The following ATP11A variants were observed in gnomAD, a reference collection of about 807,000 sequenced individuals.
ATP11A encodes ATPase phospholipid transporting 11A, also known as phospholipid-transporting ATPase IH.
A neutral mutation model predicts 154.4 loss-of-function variants in ATP11A; 81 were observed. The ratio of observed to expected loss-of-function variants is 0.52; its 90% CI spans 0.44 to 0.63. ATP11A has a LOEUF of 0.63. Ranked by LOEUF, ATP11A falls within the 30% of genes least tolerant of loss-of-function variation. The pLI, the probability that ATP11A is intolerant of heterozygous loss-of-function variation, is 0.00. For missense variants in ATP11A, 1,316 were observed against 1,474.3 expected (o/e 0.89, Z 1.76); for synonymous variants, 623 against 585.9 (o/e 1.06, Z -0.91).
At chr13:112,762,589 G>A (rs886727769) in intron 1 of ATP11A, among the ~76,000 whole-genome samples, 21 of 152,196 alleles carry the variant, frequency 1.4e-4, no homozygotes, top group Admixed American at 7.2e-4. Flanking sequence ...AGCTACAGAC[G>A]GGTGTGTTGG....
chr13:112,788,094 GTGTAGA>G lies in ATP11A; in HGVS notation c.162+2838_162+2843del. Among the ~76,000 whole-genome samples the G allele has an allele frequency of 1.0e-4, 15 of 150,340 alleles. 1 individual carries two copies. Among genetic ancestry groups the G allele is most frequent in the Middle Eastern group, 3.8e-3 (1 of 260 alleles). ...CTTAATTCACACCGGGTGTCCTGAT[GTGTAGA>G]CCCCTGTGTAGACCTACTTAATCCA... On this transcript the variant is annotated intron_variant, in intron 2 of 29. Coordinates refer to ENST00000375645, the MANE Select transcript of ATP11A (RefSeq NM_015205.3).
intron 1 of ATP11A, among the ~76,000 whole-genome samples, chr13:112,765,637 G>C (rs2139904364): frequency 6.6e-6 from 1 of 152,320 alleles, no homozygotes; most frequent in Non-Finnish European, 1.5e-5. Flanking sequence ...ATGAGTCACG[G>C]GTTTGAGAGA....
At chr13:112,720,764 G>T (rs1037404632) in intron 1 of ATP11A, among the ~76,000 whole-genome samples, 2 of 152,062 alleles carry the variant, frequency 1.3e-5, no homozygotes, top group African/African-American at 4.8e-5. Flanking sequence ...CACCGTGTTG[G>T]CCAGGCTGGT....
At chr13:112,823,289 C>G (rs368991136) in intron 8 of ATP11A, 56 bp from the exon 9 acceptor site, 6 of 1,419,202 alleles carry the variant, frequency 4.2e-6, no homozygotes, top group African/African-American at 2.8e-5. Context: ...TCTTGCCCCC[C>G]GCCCTGCCCA....
intron 16 of ATP11A, among the ~76,000 whole-genome samples, chr13:112,840,877 C>T (rs2079394878): frequency 6.6e-6 from 1 of 152,152 alleles, no homozygotes; most frequent in Non-Finnish European, 1.5e-5. Context: ...CTCCCACCAC[C>T]ACCCTGGGGA....
At chr13:112,722,271 C>T (rs1226986388) in intron 1 of ATP11A, among the ~76,000 whole-genome samples, 2 of 2,766 alleles carry the variant, frequency 7.2e-4, no homozygotes, top group Admixed American at 4.5e-3. Context: ...AGTGGGCCGG[C>T]GGGGGGTAGG....
intron 1 of ATP11A, among the ~76,000 whole-genome samples, chr13:112,738,123 G>A (rs1020897045): frequency 2.6e-5 from 4 of 152,156 alleles, no homozygotes; most frequent in African/African-American, 9.7e-5. Flanking sequence ...TATAATCCTA[G>A]CACTTTGGGA....
intron 26 of ATP11A, among the ~76,000 whole-genome samples, chr13:112,872,774 G>GT (rs2080564038): frequency 6.6e-6 from 1 of 152,200 alleles, no homozygotes; most frequent in African/African-American, 2.4e-5. Context: ...GGGCTGTGGC[G>GT]TCCCCACATT....
chr13:112,705,921 T>C (rs1212346442), intron 1 of ATP11A, among the ~76,000 whole-genome samples: 2 of 152,358 alleles, frequency 1.3e-5, no homozygotes, highest in East Asian at 1.9e-4. Flanking sequence ...ATCTTGTCCA[T>C]TGTGAAGCGT....
chr13:112,876,008 G>T, intron 28 of ATP11A, 67 bp downstream of exon 28: 1 of 1,526,510 alleles, frequency 6.6e-7, no homozygotes, highest in Non-Finnish European at 8.8e-7. Context: ...GGAGATGACC[G>T]TTTTGAAAGA....
At chr13:112,729,178 G>A (rs762224511) in intron 1 of ATP11A, among the ~76,000 whole-genome samples, 27 of 152,298 alleles carry the variant, frequency 1.8e-4, no homozygotes, top group Non-Finnish European at 2.1e-4. Context: ...CATCCCGGGT[G>A]CTCCTGGACG....
chr13:112,704,252 A>C (rs1886899547), intron 1 of ATP11A, among the ~76,000 whole-genome samples: 1 of 152,200 alleles, frequency 6.6e-6, no homozygotes, highest in Non-Finnish European at 1.5e-5. Context: ...ACCATCCATT[A>C]AGTACTGGCC....
chr13:112,870,128 A>C (rs2080467886), intron 25 of ATP11A, among the ~76,000 whole-genome samples: 1 of 152,184 alleles, frequency 6.6e-6, no homozygotes, highest in South Asian at 2.1e-4. Flanking sequence ...CAGAAGGAGG[A>C]GGCCCACTTC....
chr13:112,824,435 G>C lies in ATP11A; in HGVS notation c.872+10G>C. On this transcript the variant is annotated intron_variant, in intron 10 of 29. Transcript: ENST00000375645. ...GATCTGCCGTGGAAAAGTAAGGCTG[G>C]ATGCGCGTGAGAACCTGCAACTTAA... The C allele has an allele frequency of 6.2e-7, 1 of 1,613,016 alleles. No homozygotes were observed. Among genetic ancestry groups the C allele is most frequent in the Non-Finnish European group, 8.5e-7 (1 of 1,179,002 alleles).
chr13:112,764,334 A>C (rs2077027319), intron 1 of ATP11A, among the ~76,000 whole-genome samples: 1 of 149,292 alleles, frequency 6.7e-6, no homozygotes, highest in South Asian at 2.1e-4. Flanking sequence ...TGTCTGTCAC[A>C]GACAGTGCAC....
intron 4 of ATP11A, among the ~76,000 whole-genome samples, chr13:112,806,750 G>T (rs1271349918): frequency 1.3e-5 from 2 of 151,814 alleles, no homozygotes; most frequent in Non-Finnish European, 2.9e-5. Context: ...TACTCTCTAC[G>T]TATCCATTTT....
chr13:112,766,106 AGACG>A (rs1336643045), intron 1 of ATP11A, among the ~76,000 whole-genome samples: 1 of 152,010 alleles, frequency 6.6e-6, no homozygotes, highest in Non-Finnish European at 1.5e-5. Flanking sequence ...ATAGTGGTGG[AGACG>A]GACTTCTTAT....
At chr13:112,824,019 T>TTTTTATTGGGGATTTTTTTGGGGA (rs1213177938) in intron 9 of ATP11A, among the ~76,000 whole-genome samples, 1 of 152,230 alleles carries the variant, frequency 6.6e-6, no homozygotes, top group East Asian at 1.9e-4. Context: ...TGTATTGTTA[T>TTTTTATTGGGGATTTTTTTGGGGA]TTTTATTGGG....
At chr13:112,832,588 G>T (rs1158519829) in intron 13 of ATP11A, among the ~76,000 whole-genome samples, 1 of 151,606 alleles carries the variant, frequency 6.6e-6, no homozygotes, top group Non-Finnish European at 1.5e-5. Flanking sequence ...CTGAGCGCAC[G>T]TGAAGCCTCT....
Sources: allele counts gnomAD v4.1 joint callset (sites outside exome capture counted in the v4.1 genomes callset), GRCh38; gene constraint gnomAD v4.1.1; transcripts MANE v1.5; gene names NCBI Gene and HGNC (gene_info 2026-07-23, HGNC 2026-07-21).